FAM200C: variants seen among roughly 807,000 people sequenced by gnomAD.
the FAM200C span, chr5:160,395,563 C>A: frequency 2.4e-6 from 3 of 1,242,882 alleles, no homozygotes; most frequent in Admixed American, 5.6e-5. Context: ...ATATAACCCA[C>A]ACATTAAAAA....
the FAM200C span, among the ~76,000 whole-genome samples, chr5:160,396,448 G>A: frequency 2.0e-5 from 3 of 152,068 alleles, no homozygotes; most frequent in African/African-American, 7.2e-5. Flanking sequence ...GATTCATAGT[G>A]TCCATATAAA....
At chr5:160,394,222 ATTTCT>A in the FAM200C span, 3 of 1,611,802 alleles carry the variant, frequency 1.9e-6, no homozygotes, top group Non-Finnish European at 2.5e-6. Flanking sequence ...AATTGGTAAA[ATTTCT>A]TTTCTCAATT....
chr5:160,396,876 T>C, the FAM200C span, among the ~76,000 whole-genome samples: 2 of 152,108 alleles, frequency 1.3e-5, 1 homozygote, highest in African/African-American at 4.8e-5. Context: ...AACACACACA[T>C]GCACATACAC....
chr5:160,397,221 G>A, the FAM200C span, among the ~76,000 whole-genome samples: 2 of 152,146 alleles, frequency 1.3e-5, no homozygotes, highest in Non-Finnish European at 2.9e-5. Context: ...AGGCTTAGGG[G>A]AATAAAAACG....
At chr5:160,397,382 T>G in the FAM200C span, 1 of 152,240 alleles carries the variant, frequency 6.6e-6, no homozygotes, top group Non-Finnish European at 1.5e-5. Flanking sequence ...CCATATCTTT[T>G]CTCTTTCTCT....
At chr5:160,395,421 C>A in the FAM200C span, 2 of 1,614,144 alleles carry the variant, frequency 1.2e-6, no homozygotes, top group Non-Finnish European at 1.7e-6. Context: ...CGCTGAGTTC[C>A]ATCTACTTCC....
chr5:160,398,097 C>T, the FAM200C span, among the ~76,000 whole-genome samples: 1 of 152,160 alleles, frequency 6.6e-6, no homozygotes, highest in Non-Finnish European at 1.5e-5. Context: ...CAAAAATTAG[C>T]TGGGTGTGGT....
At chr5:160,395,289 G>A in the FAM200C span, 2 of 1,614,152 alleles carry the variant, frequency 1.2e-6, no homozygotes, top group Non-Finnish European at 1.7e-6. Context: ...GCTGGCATAT[G>A]CTTCAGGCTA....
chr5:160,393,850 T>C, the FAM200C span: 2 of 1,613,938 alleles, frequency 1.2e-6, no homozygotes, highest in Non-Finnish European at 1.7e-6. Flanking sequence ...GTGATGAAAA[T>C]CCCAACTCAC....
At chr5:160,395,625 T>C in the FAM200C span, 2 of 733,368 alleles carry the variant, frequency 2.7e-6, no homozygotes, top group East Asian at 2.5e-5. Flanking sequence ...ATCTTGTATA[T>C]GTCAAGATAC....
At chr5:160,395,067 A>T in the FAM200C span, 1 of 1,614,084 alleles carries the variant, frequency 6.2e-7, no homozygotes, top group Non-Finnish European at 8.5e-7. Flanking sequence ...ACATCATCTG[A>T]TAAGGGTACC....
chr5:160,393,195 T>G, the FAM200C span: 1 of 152,826 alleles, frequency 6.5e-6, no homozygotes, highest in African/African-American at 2.4e-5. Flanking sequence ...GCACAGGAGC[T>G]AGGGGAATGG....
chr5:160,399,290 G>A, the FAM200C span, among the ~76,000 whole-genome samples: 1 of 152,100 alleles, frequency 6.6e-6, no homozygotes, highest in Non-Finnish European at 1.5e-5. Flanking sequence ...AGAAAAATCA[G>A]TTAAAAGTGA....
chr5:160,399,780 GAA>G, the FAM200C span: 95,999 of 147,484 alleles, frequency 0.65, 31,441 homozygotes, highest in Admixed American at 0.72. Flanking sequence ...CAGCTGCTAG[GAA>G]AAAAAAAAAA....
the FAM200C span, among the ~76,000 whole-genome samples, chr5:160,398,619 T>G: frequency 2.0e-5 from 3 of 152,116 alleles, no homozygotes; most frequent in African/African-American, 7.2e-5. Flanking sequence ...CTCAAGTATA[T>G]TTTAATTTAA....
At chr5:160,394,038 CAAA>C in the FAM200C span, 9 of 1,611,626 alleles carry the variant, frequency 5.6e-6, no homozygotes, top group Non-Finnish European at 7.6e-6. Context: ...CTATCATCAA[CAAA>C]ATCGATATTA....
the FAM200C span, among the ~76,000 whole-genome samples, chr5:160,396,202 C>T: frequency 2.0e-5 from 3 of 152,060 alleles, no homozygotes; most frequent in Non-Finnish European, 2.9e-5. Context: ...TATCCACGTC[C>T]ATGTGTACAC....
the FAM200C span, chr5:160,394,034 TCAA>T: frequency 1.2e-6 from 2 of 1,612,104 alleles, no homozygotes; most frequent in Non-Finnish European, 1.7e-6. Flanking sequence ...ATAACTATCA[TCAA>T]CAAAATCGAT....
chr5:160,395,166 G>A, the FAM200C span: 1 of 1,613,816 alleles, frequency 6.2e-7, no homozygotes, highest in South Asian at 1.1e-5. Flanking sequence ...GCTACTGTAT[G>A]AGGATTCTTC....
Sources: allele counts gnomAD v4.1 joint callset (sites outside exome capture counted in the v4.1 genomes callset), GRCh38; gene constraint gnomAD v4.1.1; transcripts MANE v1.5.